The following HECW2 variants were observed in gnomAD, a reference collection of about 807,000 sequenced individuals.
HECW2 encodes the protein E3 ubiquitin-protein ligase HECW2.
Under a neutral mutation model 175.2 loss-of-function variants are expected in HECW2, and 61 were observed. The observed-to-expected ratio is 0.35, with a 90% CI of 0.28 to 0.43. HECW2 has a LOEUF of 0.43. Ranked by LOEUF, HECW2 falls within the 20% of genes least tolerant of loss-of-function variation. HECW2 has a pLI of 1.00. For synonymous variants in HECW2, 671 were observed against 731.0 expected, an observed-to-expected ratio of 0.92 and a Z score of 1.32; for missense variants, 1,524 against 2,000.5, an observed-to-expected ratio of 0.76 and a Z score of 4.54.
intron 1 of HECW2, among the ~76,000 whole-genome samples, chr2:196,435,054 A>T (rs1203780444): frequency 6.6e-6 from 1 of 152,238 alleles, no homozygotes; most frequent in African/African-American, 2.4e-5. Flanking sequence ...GTATTTATTC[A>T]AATAGTTTCT....
chr2:196,264,987 T>C (rs1689452479), intron 17 of HECW2, among the ~76,000 whole-genome samples: 1 of 152,058 alleles, frequency 6.6e-6, no homozygotes, highest in African/African-American at 2.4e-5. Flanking sequence ...TTCTAAAACG[T>C]TATCTTAATG....
intron 2 of HECW2, among the ~76,000 whole-genome samples, chr2:196,410,863 C>T (rs564906529): frequency 1.3e-5 from 2 of 152,264 alleles, no homozygotes; most frequent in East Asian, 1.9e-4. Flanking sequence ...CAGTAGAAGG[C>T]TAGCACATCC....
At chr2:196,413,422 T>G (rs1356470926) in intron 2 of HECW2, among the ~76,000 whole-genome samples, 1 of 152,082 alleles carries the variant, frequency 6.6e-6, no homozygotes, top group Non-Finnish European at 1.5e-5. Context: ...CTTGGTTCAC[T>G]GCAACCTCCG....
At chr2:196,431,500 C>T (rs914275282) in intron 2 of HECW2, among the ~76,000 whole-genome samples, 1 of 152,072 alleles carries the variant, frequency 6.6e-6, no homozygotes, top group South Asian at 2.1e-4. Context: ...TTTTAAACTA[C>T]AATTTGGTAT....
At chr2:196,248,593 GACAGACACAC>G (rs1559462936) in intron 19 of HECW2, among the ~76,000 whole-genome samples, 5 of 83,558 alleles carry the variant, frequency 6.0e-5, no homozygotes, top group African/African-American at 2.4e-4. Context: ...GAGAGAGACA[GACAGACACAC>G]ACACACACAC....
At chr2:196,347,687 T>G (rs1389276834) in intron 2 of HECW2, among the ~76,000 whole-genome samples, 1 of 152,206 alleles carries the variant, frequency 6.6e-6, no homozygotes, top group African/African-American at 2.4e-5. Flanking sequence ...CTGTTTTGAT[T>G]ACAGAAAACA....
At chr2:196,519,881 A>C (rs2125430855) in intron 1 of HECW2, among the ~76,000 whole-genome samples, 1 of 152,336 alleles carries the variant, frequency 6.6e-6, no homozygotes, top group Non-Finnish European at 1.5e-5. Flanking sequence ...TGACTAACTC[A>C]AGAGAATTAC....
rs201626992 is a variant in HECW2, at chr2:196,441,373, C to A, written c.-35-7915G>T. The stretch of plus-strand genomic sequence containing the variant: ...TCCAAAAGACACAACATACAACACA[C>A]ACACACAAACACACACACACACACT... On this transcript the variant is annotated intron_variant, in intron 1 of 28. Transcript: ENST00000644978. Among the ~76,000 whole-genome samples the A allele has an allele frequency of 1.4e-3, 28 of 19,948 alleles. No homozygotes were observed. In the East Asian group the frequency reaches 0.041, roughly 29 times the overall value. The allele number at this position is 19,948 out of a possible 152,430, so 13.1% of individuals were successfully genotyped here.
chr2:196,582,750 T>C (rs1234102759), intron 1 of HECW2, among the ~76,000 whole-genome samples: 5 of 152,334 alleles, frequency 3.3e-5, no homozygotes, highest in South Asian at 4.1e-4. Context: ...TCGTTTGGCA[T>C]GAGCTGTTCT....
intron 1 of HECW2, among the ~76,000 whole-genome samples, chr2:196,438,362 C>T (rs1695941744): frequency 6.6e-6 from 1 of 152,168 alleles, no homozygotes; most frequent in East Asian, 1.9e-4. Context: ...TTTTATTTAA[C>T]TCACTATAGC....
intron 13 of HECW2, among the ~76,000 whole-genome samples, chr2:196,302,488 T>C (rs116775843): frequency 0.011 from 1,636 of 152,336 alleles, 14 homozygotes; most frequent in Non-Finnish European, 0.016. Flanking sequence ...CAGCACTGAA[T>C]CTATAAATTA....
intron 19 of HECW2, among the ~76,000 whole-genome samples, chr2:196,247,594 A>G (rs897071236): frequency 1.3e-5 from 2 of 152,224 alleles, no homozygotes; most frequent in African/African-American, 4.8e-5. Context: ...TCAGTAACAG[A>G]CACTAGGGAG....
chr2:196,350,615 C>T, intron 2 of HECW2, among the ~76,000 whole-genome samples: 1 of 151,632 alleles, frequency 6.6e-6, no homozygotes. Flanking sequence ...CATTTGTTAC[C>T]TTGTTCATTC....
chr2:196,534,735 G>A (rs577879976), intron 1 of HECW2, among the ~76,000 whole-genome samples: 24 of 152,296 alleles, frequency 1.6e-4, no homozygotes, highest in African/African-American at 5.5e-4. Flanking sequence ...CCCGGCCTCA[G>A]AAAGCACTTC....
intron 2 of HECW2, among the ~76,000 whole-genome samples, chr2:196,371,784 T>A (rs1693916787): frequency 6.6e-6 from 1 of 152,240 alleles, no homozygotes; most frequent in Non-Finnish European, 1.5e-5. Flanking sequence ...GTTAGTCCAG[T>A]GAGCCTCTCC....
chr2:196,437,429 TG>T (rs1695909961), intron 1 of HECW2, among the ~76,000 whole-genome samples: 1 of 151,528 alleles, frequency 6.6e-6, no homozygotes, highest in Admixed American at 6.6e-5. Flanking sequence ...CTGGCCAACA[TG>T]GTAAAACTCT....
chr2:196,208,505 A>G (rs1335997512), intron 28 of HECW2, among the ~76,000 whole-genome samples: 1 of 152,262 alleles, frequency 6.6e-6, no homozygotes, highest in Non-Finnish European at 1.5e-5. Context: ...CAGATAATCA[A>G]CAAGTAAACC....
chr2:196,582,584 T>A (rs1178540936), intron 1 of HECW2, among the ~76,000 whole-genome samples: 1 of 152,226 alleles, frequency 6.6e-6, no homozygotes, highest in African/African-American at 2.4e-5. Flanking sequence ...TCCCTTCTTT[T>A]ACGTCTTTTT....
intron 19 of HECW2, among the ~76,000 whole-genome samples, chr2:196,244,505 G>A (rs968100240): frequency 2.6e-5 from 4 of 152,122 alleles, no homozygotes; most frequent in African/African-American, 7.2e-5. Flanking sequence ...TCTGTTAGAC[G>A]AGGCATGAGC....
Sources: gnomAD v4.1 joint callset for allele counts (sites outside exome capture counted in the v4.1 genomes callset) on GRCh38, gnomAD v4.1.1 for gene constraint, MANE v1.5 for transcripts, NCBI Gene and HGNC (gene_info 2026-07-23, HGNC 2026-07-21) for gene names.